Variants in BMP7 observed in about 807,000 individuals in gnomAD.
BMP7 encodes the protein bone morphogenetic protein 7.
In BMP7, 12 loss-of-function variants were observed where a neutral mutation model predicts 41.2. The ratio of observed to expected loss-of-function variants is 0.29; its 90% CI spans 0.19 to 0.47. BMP7 has a LOEUF of 0.47. Ranked by LOEUF, BMP7 falls within the 20% of genes least tolerant of loss-of-function variation. BMP7 has a pLI of 0.99. For synonymous variants in BMP7, 248 were observed against 250.0 expected, an observed-to-expected ratio of 0.99 and a Z score of 0.07; for missense variants, 467 against 606.0, an observed-to-expected ratio of 0.77 and a Z score of 2.41.
intron 2 of BMP7, among the ~76,000 whole-genome samples, chr20:57,226,317 C>T (rs2066006019): frequency 1.3e-5 from 2 of 152,236 alleles, no homozygotes; most frequent in African/African-American, 2.4e-5. Context: ...AGCTCCCTGG[C>T]TGCTGGGAGT....
rs887697749 is a variant in BMP7, at chr20:57,214,908, G to A, written c.612-12285C>T. ...AGCACAAAGCAGGCCTCAGATGCACGCTGGACAAATGTGCTGGTATCCTCT... is the reference window on the plus strand; with the variant it reads ...AGCACAAAGCAGGCCTCAGATGCACACTGGACAAATGTGCTGGTATCCTCT... On this transcript the variant is annotated intron_variant, in intron 2 of 6. Coordinates refer to ENST00000395863, the MANE Select transcript of BMP7 (RefSeq NM_001719.3). The surrounding 1 kb of genome is among the most constrained non-coding windows in gnomAD (Gnocchi z 4.0). 6.6e-6 allele frequency: 1 copy of A among 152,262 alleles called. No individual in the cohort carries two copies. Among genetic ancestry groups the A allele is most frequent in the African/African-American group, 2.4e-5 (1 of 41,456 alleles). The allele number at this position is 152,262 out of a possible 1,614,324, so 9.4% of individuals were successfully genotyped here.
intron 2 of BMP7, among the ~76,000 whole-genome samples, 164 bp from the exon 3 acceptor site, chr20:57,202,787 T>A (rs572534090): frequency 2.0e-5 from 3 of 152,154 alleles, no homozygotes; most frequent in Non-Finnish European, 2.9e-5. Flanking sequence ...CAAAGACCCC[T>A]CAGTAGCTGT....
Position 57,224,181 on chromosome 20 carries a change from C to T in BMP7, c.611+4048G>A, listed in dbSNP as rs1985254772. Among the ~76,000 whole-genome samples, 1 of 152,206 alleles carries T rather than the reference C, an allele frequency of 6.6e-6. No homozygotes were observed. The highest frequency in any genetic ancestry group is 1.5e-5 in the Non-Finnish European group (1 of 68,038). ...CTGTGTGGTGGGGACAGGCAGGGGG[C>T]AGCTCCCTCTTCCTCAGAGTGACTC... On this transcript the variant is annotated intron_variant, in intron 2 of 6. Coordinates refer to ENST00000395863, the MANE Select transcript of BMP7 (RefSeq NM_001719.3). The surrounding 1 kb of genome is among the most constrained non-coding windows in gnomAD (Gnocchi z 4.8).
At chr20:57,254,821 AC>A (rs1347746674) in intron 1 of BMP7, among the ~76,000 whole-genome samples, 1 of 152,126 alleles carries the variant, frequency 6.6e-6, no homozygotes, top group African/African-American at 2.4e-5. Flanking sequence ...GCTGGGACAT[AC>A]GGAAAAAAAC....
At chr20:57,195,374 A>G (rs1197830640) in intron 3 of BMP7, among the ~76,000 whole-genome samples, 1 of 152,180 alleles carries the variant, frequency 6.6e-6, no homozygotes, top group Non-Finnish European at 1.5e-5. Context: ...CTCTGGGTGG[A>G]CCAAGGCCCA....
chr20:57,265,575 C>G, intron 1 of BMP7, 130 bp downstream of exon 1: 1 of 1,423,734 alleles, frequency 7.0e-7, no homozygotes, highest in South Asian at 1.2e-5. Context: ...GTGGGAGACC[C>G]TCGGGCAGGC....
rs546927995 is a variant in BMP7 at position 57,240,516 on chromosome 20, A to G, written c.419-12095T>C. Reference sequence around the variant, plus strand: ...CAATCTCTACCTGTTAGCCAGTTCCAAAGTCACTTCCACATTTTTGGGTAT... The same window carrying G: ...CAATCTCTACCTGTTAGCCAGTTCCGAAGTCACTTCCACATTTTTGGGTAT... On this transcript the variant is annotated intron_variant, in intron 1 of 6. Transcript: ENST00000395863. Among the ~76,000 whole-genome samples, 8 of 152,346 alleles carry G rather than the reference A, an allele frequency of 5.3e-5. No homozygotes were observed. In the East Asian group the frequency reaches 1.4e-3, roughly 26 times the overall value.
chr20:57,229,493 G>C (rs2066020433), intron 1 of BMP7, among the ~76,000 whole-genome samples: 1 of 152,174 alleles, frequency 6.6e-6, no homozygotes, highest in Non-Finnish European at 1.5e-5. Flanking sequence ...GGTGTTTCTG[G>C]GTGGGGACCT....
intron 2 of BMP7, among the ~76,000 whole-genome samples, chr20:57,227,189 G>A (rs1006094938): frequency 1.2e-4 from 19 of 152,092 alleles, no homozygotes; most frequent in African/African-American, 4.6e-4. Context: ...GCAAACCTGG[G>A]CTCACGTCCT....
Position 57,192,015 on chromosome 20 carries a change from A to ACAATTATATACAATATTG in BMP7, c.761-8097_761-8096insCAATATTGTATATAATTG. 1.6e-5 allele frequency among the ~76,000 whole-genome samples: 2 copies of ACAATTATATACAATATTG among 125,162 alleles called. 1 individual carries two copies. The highest frequency in any genetic ancestry group is 6.5e-5 in the African/African-American group (2 of 30,742). The allele number at this position is 125,162 out of a possible 152,430, so 82.1% of individuals were successfully genotyped here. ...TATTATTGTATATGTAATATATATT[A>ACAATTATATACAATATTG]TATATAATATATAATATAGCATATT... On this transcript the variant is annotated intron_variant, in intron 3 of 6. Transcript: ENST00000395863.
chr20:57,266,241 C>A lies in BMP7; in HGVS notation c.-119G>T. 1 of 1,081,956 alleles carries A rather than the reference C, an allele frequency of 9.2e-7. No homozygotes were observed. Among genetic ancestry groups the A allele is most frequent in the Non-Finnish European group, 1.2e-6 (1 of 829,466 alleles). The allele number at this position is 1,081,956 out of a possible 1,614,324, so 67.0% of individuals were successfully genotyped here. ...CACTTGCTGCAGACGGGCCCCGCTG[C>A]GCCCGCGCCAGACATGGCCCCTCCC... On this transcript the variant is annotated 5_prime_UTR_variant, in exon 1 of 7. Transcript: ENST00000395863.
intron 1 of BMP7, among the ~76,000 whole-genome samples, chr20:57,244,924 A>G (rs1600641549): frequency 1.3e-5 from 2 of 152,344 alleles, no homozygotes; most frequent in African/African-American, 4.8e-5. Flanking sequence ...AGAATTTATA[A>G]TCCTTCCTGA....
At chr20:57,260,803 G>A (rs1456833266) in intron 1 of BMP7, among the ~76,000 whole-genome samples, 11 of 152,196 alleles carry the variant, frequency 7.2e-5, no homozygotes, top group Non-Finnish European at 1.5e-5. Context: ...GCATTAAGGC[G>A]AAGCCTTGCA....
At position 57,261,564 on chromosome 20, in the gene BMP7, G is replaced by C. The variant is rs1031063235; in HGVS notation, c.418+4141C>G. Among the ~76,000 whole-genome samples the C allele has an allele frequency of 6.6e-6, 1 of 152,230 alleles. No individual in the cohort carries two copies. Among genetic ancestry groups the C allele is most frequent in the African/African-American group, 2.4e-5 (1 of 41,458 alleles). The stretch of plus-strand genomic sequence containing the variant: ...AGCAGGAAAATGAGGTTTAAAAGAA[G>C]TGATTTTGAAAGGGTTACGAAAAAC... On this transcript the variant is annotated intron_variant, in intron 1 of 6. Transcript: ENST00000395863. The surrounding 1 kb of genome is among the most constrained non-coding windows in gnomAD (Gnocchi z 4.1).
intron 3 of BMP7, among the ~76,000 whole-genome samples, chr20:57,186,074 C>T (rs1270135761): frequency 6.6e-6 from 1 of 152,184 alleles, no homozygotes; most frequent in Non-Finnish European, 1.5e-5. Context: ...TAGCTCAGGG[C>T]AGTGGTCCAG....
intron 2 of BMP7, among the ~76,000 whole-genome samples, chr20:57,223,031 A>G (rs1985226067): frequency 6.6e-6 from 1 of 152,004 alleles, no homozygotes; most frequent in South Asian, 2.1e-4. Flanking sequence ...GGAATGTGTC[A>G]CAGAAGGCCA....
At chr20:57,264,148 C>T (rs1568733846) in intron 1 of BMP7, among the ~76,000 whole-genome samples, 1 of 152,194 alleles carries the variant, frequency 6.6e-6, no homozygotes, top group African/African-American at 2.4e-5. Context: ...GCTTGGTTCA[C>T]TAGTTGGATT....
At chr20:57,229,247 T>C (rs2066019722) in intron 1 of BMP7, among the ~76,000 whole-genome samples, 1 of 152,190 alleles carries the variant, frequency 6.6e-6, no homozygotes, top group Non-Finnish European at 1.5e-5. Context: ...AGGGAATCCA[T>C]ATCTCTTTAA....
intron 1 of BMP7, among the ~76,000 whole-genome samples, chr20:57,262,028 C>A: frequency 6.6e-6 from 1 of 152,222 alleles, no homozygotes; most frequent in East Asian, 1.9e-4. Context: ...AGGTTTCCAA[C>A]TTTCTCTTCT....
Sources: gnomAD v4.1 joint callset for allele counts (sites outside exome capture counted in the v4.1 genomes callset) on GRCh38, gnomAD v4.1.1 for gene constraint, Gnocchi (gnomAD v3.1) non-coding constraint, MANE v1.5 for transcripts, NCBI Gene and HGNC (gene_info 2026-07-23, HGNC 2026-07-21) for gene names.